The following PDE3A variants were observed in gnomAD, a reference collection of about 807,000 sequenced individuals.
PDE3A encodes the protein cGMP-inhibited 3',5'-cyclic phosphodiesterase 3A.
PDE3A carries 43 observed loss-of-function variants against 98.3 expected under a neutral mutation model. The observed-to-expected ratio is 0.44, with a 90% CI of 0.34 to 0.56. The LOEUF (loss-of-function observed/expected upper bound fraction) is 0.56. Among genes scored for constraint, PDE3A ranks in the 20% least tolerant of loss-of-function variants. The pLI is 0.01. For missense variants in PDE3A, 1,427 were observed against 1,440.7 expected (o/e 0.99, Z 0.15); for synonymous variants, 663 against 567.9 (o/e 1.17, Z -2.38).
chr12:20,549,615 T>A (rs1462367493), intron 1 of PDE3A, among the ~76,000 whole-genome samples: 1 of 152,102 alleles, frequency 6.6e-6, no homozygotes, highest in Non-Finnish European at 1.5e-5. Context: ...TGAATATATT[T>A]CACATAGGAT....
intron 1 of PDE3A, among the ~76,000 whole-genome samples, chr12:20,487,433 A>G (rs192064634): frequency 1.8e-3 from 263 of 142,904 alleles, no homozygotes; most frequent in African/African-American, 5.1e-3. Flanking sequence ...GGAGGCTGAG[A>G]TAGGCAGATC....
At chr12:20,572,364 A>T (rs1942819631) in intron 2 of PDE3A, among the ~76,000 whole-genome samples, 1 of 152,104 alleles carries the variant, frequency 6.6e-6, no homozygotes, top group Admixed American at 6.6e-5. Flanking sequence ...GGGACCAAAA[A>T]ACTTCCCAGT....
intron 1 of PDE3A, among the ~76,000 whole-genome samples, chr12:20,400,662 C>T (rs2120659662): frequency 6.6e-6 from 1 of 152,214 alleles, no homozygotes; most frequent in South Asian, 2.1e-4. Context: ...TCGTGATCCG[C>T]CCGCCTCGGC....
At chr12:20,472,390 TACA>T (rs1945453803) in intron 1 of PDE3A, among the ~76,000 whole-genome samples, 1 of 152,184 alleles carries the variant, frequency 6.6e-6, no homozygotes, top group South Asian at 2.1e-4. Context: ...TGTACATTCC[TACA>T]ACATCGGCTC....
Position 20,520,871 on chromosome 12 carries a change from C to A in PDE3A, c.961-35789C>A, listed in dbSNP as rs575258240. Among the ~76,000 whole-genome samples the A allele has an allele frequency of 5.3e-4, 81 of 152,248 alleles. No homozygotes were observed. The South Asian group carries it at 6.6e-3, about 12-fold the overall frequency. ...GAGTTCTCTGCTTTGTACTTGGCAA[C>A]CCACTTGGGACTCATGCTGCAAAGG... On this transcript the variant is annotated intron_variant, in intron 1 of 15. Transcript: ENST00000359062.
Position 20,369,240 on chromosome 12 carries a change from C to A in PDE3A, c.-45C>A. 1.4e-6 allele frequency: 2 copies of A among 1,397,584 alleles called. No homozygotes were observed. The highest frequency in any genetic ancestry group is 1.9e-6 in the Non-Finnish European group (2 of 1,046,920). The allele number at this position is 1,397,584 out of a possible 1,614,324, so 86.6% of individuals were successfully genotyped here. A position where few individuals can be genotyped will look rare whatever the true frequency, so the allele number is the denominator to read the frequency against. On this transcript the variant is annotated 5_prime_UTR_variant, in exon 1 of 16. Coordinates refer to ENST00000359062, the MANE Select transcript of PDE3A (RefSeq NM_000921.5). Reference sequence around the variant, plus strand: ...GCGCGCGCGTGGGTCGGGGCGGGGGCGTCGGGGGGCCACTGGGAATTCAGT... The same window carrying A: ...GCGCGCGCGTGGGTCGGGGCGGGGGAGTCGGGGGGCCACTGGGAATTCAGT...
At chr12:20,571,526 T>G (rs1942801903) in intron 2 of PDE3A, among the ~76,000 whole-genome samples, 1 of 152,252 alleles carries the variant, frequency 6.6e-6, no homozygotes, top group Non-Finnish European at 1.5e-5. Flanking sequence ...AAGCCTAAAC[T>G]TGAATCCTAC....
chr12:20,669,903 G>A (rs1227244764), intron 15 of PDE3A, among the ~76,000 whole-genome samples: 16 of 151,990 alleles, frequency 1.1e-4, no homozygotes, highest in Non-Finnish European at 2.1e-4. Flanking sequence ...ACACAGACTG[G>A]CAAATTGGAT....
chr12:20,522,688 T>C (rs1031467706), intron 1 of PDE3A, among the ~76,000 whole-genome samples: 1 of 152,044 alleles, frequency 6.6e-6, no homozygotes, highest in African/African-American at 2.4e-5. Flanking sequence ...ACCTCCAGAA[T>C]TTGCTGTTGA....
At chr12:20,493,174 A>T (rs1327492710) in intron 1 of PDE3A, among the ~76,000 whole-genome samples, 1 of 152,124 alleles carries the variant, frequency 6.6e-6, no homozygotes, top group East Asian at 1.9e-4. Context: ...ATGAATTATG[A>T]ATTAATTTTA....
At chr12:20,637,719 A>G (rs957045020) in intron 9 of PDE3A, among the ~76,000 whole-genome samples, 1 of 152,176 alleles carries the variant, frequency 6.6e-6, no homozygotes, top group African/African-American at 2.4e-5. Context: ...CATCACATAG[A>G]GTTATAGAAT....
rs1362263603 is a variant in PDE3A, at chr12:20,369,378, C to T, written c.94C>T (p.Arg32Cys). ...APTAGRDCHH[R>C]ADPASPRDSG... ...CACGGCGGGCCGGGACTGCCACCAT[C>T]GTGCGGACCCCGCATCGCCGCGGGA... Residue 32 changes from arginine (R) to cysteine (C), a missense_variant, in exon 1 of 16, where the codon CGT (arginine) becomes TGT (cysteine). Physicochemically the swap from Arg to Cys is radical, Grantham distance 180. Transcript: ENST00000359062. 8 of 1,550,046 alleles carry T rather than the reference C, an allele frequency of 5.2e-6. No homozygotes were observed. Among genetic ancestry groups the T allele is most frequent in the South Asian group, 1.2e-5 (1 of 84,026 alleles).
chr12:20,471,249 C>T (rs564301618), intron 1 of PDE3A, among the ~76,000 whole-genome samples: 1 of 152,136 alleles, frequency 6.6e-6, no homozygotes, highest in South Asian at 2.1e-4. Flanking sequence ...TAGAGCGCAA[C>T]CAAATTTTTA....
rs1164324566 is a variant in PDE3A at position 20,629,890 on chromosome 12, A to C, written c.1541-18A>C. ...TTAAAGACATTTGTTTAGTTACTTAACTCTCATTCTTTCTCAGGTGCCCTC... is the reference window on the plus strand; with the variant it reads ...TTAAAGACATTTGTTTAGTTACTTACCTCTCATTCTTTCTCAGGTGCCCTC... On this transcript the variant is annotated intron_variant, in intron 5 of 15. Coordinates refer to ENST00000359062, the MANE Select transcript of PDE3A (RefSeq NM_000921.5). 23 of 1,582,458 alleles carry C rather than the reference A, an allele frequency of 1.5e-5. No individual in the cohort carries two copies. Among genetic ancestry groups the C allele is most frequent in the Non-Finnish European group, 2.0e-5 (23 of 1,151,560 alleles).
At chr12:20,623,830 A>G (rs9668712) in intron 5 of PDE3A, among the ~76,000 whole-genome samples, 10,793 of 151,936 alleles carry the variant, frequency 0.071, 501 homozygotes, top group African/African-American at 0.12. Context: ...TGATGGATGT[A>G]TTCTAGAAAG....
intron 2 of PDE3A, among the ~76,000 whole-genome samples, chr12:20,578,658 G>C (rs1942997257): frequency 2.0e-5 from 3 of 152,020 alleles, no homozygotes; most frequent in Admixed American, 1.3e-4. Flanking sequence ...TTATCCTAGG[G>C]CTAGATACAT....
intron 1 of PDE3A, among the ~76,000 whole-genome samples, chr12:20,431,619 A>ACG (rs1206790041): frequency 6.6e-6 from 1 of 151,054 alleles, no homozygotes; most frequent in East Asian, 1.9e-4. Flanking sequence ...ACACACACAC[A>ACG]CACGCACACA....
intron 1 of PDE3A, among the ~76,000 whole-genome samples, chr12:20,417,608 C>G (rs780755301): frequency 1.3e-5 from 2 of 152,190 alleles, no homozygotes; most frequent in Admixed American, 6.5e-5. Flanking sequence ...CTAGCCAGAA[C>G]TGCTTTTGAA....
At chr12:20,658,259 T>C (rs2121521704) in intron 15 of PDE3A, among the ~76,000 whole-genome samples, 1 of 152,364 alleles carries the variant, frequency 6.6e-6, no homozygotes, top group East Asian at 1.9e-4. Context: ...GGTCTTGGCC[T>C]GTGCCCCATA....
Sources: gnomAD v4.1 joint callset for allele counts (sites outside exome capture counted in the v4.1 genomes callset) on GRCh38, gnomAD v4.1.1 for gene constraint, MANE v1.5 for transcripts, NCBI Gene and HGNC (gene_info 2026-07-23, HGNC 2026-07-21) for gene names.